The following ZNF827 variants were observed in gnomAD, a reference collection of about 807,000 sequenced individuals.
The protein encoded by ZNF827 is zinc finger protein 827.
A neutral mutation model predicts 102.4 loss-of-function variants in ZNF827; 13 were observed. That is an observed-to-expected ratio of 0.13 (90% CI 0.08 to 0.20). ZNF827 has a LOEUF of 0.20. ZNF827 is among the 10% of genes least tolerant of loss of function. ZNF827 has a pLI of 1.00. For synonymous variants in ZNF827, 523 were observed against 536.2 expected, an observed-to-expected ratio of 0.98 and a Z score of 0.34; for missense variants, 1,103 against 1,344.4, an observed-to-expected ratio of 0.82 and a Z score of 2.81.
intron 6 of ZNF827, among the ~76,000 whole-genome samples, chr4:145,847,438 G>A (rs1746102923): frequency 6.6e-6 from 1 of 152,140 alleles, no homozygotes; most frequent in Non-Finnish European, 1.5e-5. Context: ...GTATTGTGAG[G>A]CCCCTTTGTG....
intron 1 of ZNF827, 29 bp from the exon 2 acceptor site, chr4:145,903,244 C>T (rs1346126526): frequency 6.4e-7 from 1 of 1,568,482 alleles, no homozygotes; most frequent in Non-Finnish European, 8.7e-7. Flanking sequence ...ATCAGGTTTA[C>T]TCCCAAAGTG....
At chr4:145,873,288 G>C (rs1161866524) in intron 4 of ZNF827, among the ~76,000 whole-genome samples, 1 of 152,124 alleles carries the variant, frequency 6.6e-6, no homozygotes, top group Non-Finnish European at 1.5e-5. Flanking sequence ...ATAGTGCCTG[G>C]TACATAGTTA....
At chr4:145,916,158 C>T (rs933138833) in intron 1 of ZNF827, among the ~76,000 whole-genome samples, 4 of 152,240 alleles carry the variant, frequency 2.6e-5, no homozygotes, top group Middle Eastern at 3.2e-3. Context: ...CCTACTTCTA[C>T]AGCTCCACTA....
chr4:145,937,014 C>A (rs931907600), intron 1 of ZNF827, among the ~76,000 whole-genome samples: 22 of 151,634 alleles, frequency 1.5e-4, no homozygotes, highest in Non-Finnish European at 2.9e-5. Flanking sequence ...CACGCCTTCT[C>A]CCCTGCCCCC....
intron 1 of ZNF827, among the ~76,000 whole-genome samples, chr4:145,922,905 T>C (rs1442026479): frequency 6.6e-6 from 1 of 152,248 alleles, no homozygotes; most frequent in Non-Finnish European, 1.5e-5. Flanking sequence ...TTGGAAAACA[T>C]GTATCTTACA....
At chr4:145,815,424 T>C (rs1036246615) in intron 8 of ZNF827, among the ~76,000 whole-genome samples, 2 of 152,192 alleles carry the variant, frequency 1.3e-5, no homozygotes, top group African/African-American at 4.8e-5. Context: ...TGGACCATCA[T>C]TCCTATCACT....
chr4:145,822,180 T>G (rs1241279044), intron 8 of ZNF827, among the ~76,000 whole-genome samples: 1 of 152,218 alleles, frequency 6.6e-6, no homozygotes, highest in Non-Finnish European at 1.5e-5. Flanking sequence ...TGTGTTTTTG[T>G]GTAAGCACAT....
intron 1 of ZNF827, among the ~76,000 whole-genome samples, chr4:145,927,594 G>T (rs1010253460): frequency 4.6e-5 from 7 of 152,204 alleles, no homozygotes; most frequent in Non-Finnish European, 8.8e-5. Flanking sequence ...TTCTCCTGTA[G>T]TGGAGAGGCT....
chr4:145,844,219 T>A (rs1282886607), intron 7 of ZNF827, among the ~76,000 whole-genome samples: 5 of 151,980 alleles, frequency 3.3e-5, no homozygotes, highest in African/African-American at 7.2e-5. Context: ...GCATCAAACT[T>A]AATATACAAA....
At chr4:145,820,397 T>A (rs987720474) in intron 8 of ZNF827, among the ~76,000 whole-genome samples, 4 of 152,354 alleles carry the variant, frequency 2.6e-5, no homozygotes, top group Middle Eastern at 3.4e-3. Context: ...CTGACATTTA[T>A]TTTTGCATTA....
At chr4:145,862,311 G>A (rs1272182029) in intron 5 of ZNF827, among the ~76,000 whole-genome samples, 5 of 152,192 alleles carry the variant, frequency 3.3e-5, no homozygotes, top group Admixed American at 3.3e-4. Flanking sequence ...CAATACTGCT[G>A]TCTAGCCTCT....
At chr4:145,864,198 G>A (rs1337965216) in intron 5 of ZNF827, among the ~76,000 whole-genome samples, 2 of 151,236 alleles carry the variant, frequency 1.3e-5, no homozygotes, top group South Asian at 2.1e-4. Context: ...ACACACACAC[G>A]CATACATACA....
At chr4:145,935,277 A>G (rs906923475) in intron 1 of ZNF827, among the ~76,000 whole-genome samples, 2 of 152,196 alleles carry the variant, frequency 1.3e-5, no homozygotes, top group African/African-American at 2.4e-5. Flanking sequence ...TAAAAGTGGG[A>G]CTTAGAACTA....
intron 2 of ZNF827, among the ~76,000 whole-genome samples, chr4:145,894,109 T>A (rs1750804148): frequency 6.6e-6 from 1 of 152,204 alleles, no homozygotes; most frequent in Non-Finnish European, 1.5e-5. Context: ...ATTGTGGTTA[T>A]TTTTTTAAGT....
At chr4:145,817,677 G>A (rs1460346815) in intron 8 of ZNF827, among the ~76,000 whole-genome samples, 2 of 152,160 alleles carry the variant, frequency 1.3e-5, no homozygotes, top group African/African-American at 4.8e-5. Context: ...GATTTGGATG[G>A]GGACACAGAG....
At chr4:145,874,878 G>A (rs896508658) in intron 4 of ZNF827, among the ~76,000 whole-genome samples, 6 of 152,122 alleles carry the variant, frequency 3.9e-5, no homozygotes, top group Non-Finnish European at 7.4e-5. Context: ...CCTGGGCCAC[G>A]CTGCTGATCA....
At chr4:145,916,473 A>G (rs1159559343) in intron 1 of ZNF827, among the ~76,000 whole-genome samples, 1 of 152,088 alleles carries the variant, frequency 6.6e-6, no homozygotes, top group Non-Finnish European at 1.5e-5. Context: ...CTCTTTGGAC[A>G]TTTCCTTTCC....
In ZNF827 at chr4:145,823,320, T is replaced by C. The variant is rs536378361; in HGVS notation, c.2383+102A>G. The C allele has an allele frequency of 1.7e-5, 16 of 949,388 alleles. No individual in the cohort carries two copies. The African/African-American group carries it at 2.5e-4, about 15-fold the overall frequency. 58.8% of individuals were successfully genotyped at this position (949,388 alleles called of 1,614,324 possible). On this transcript the variant is annotated intron_variant, in intron 8 of 14. Coordinates refer to ENST00000508784, the MANE Select transcript of ZNF827 (RefSeq NM_001306215.2). ...TTTCTAAAACCTAACCTTATATGAATAACTACATCCGTAAGCTGAAAGTAT... is the reference window on the plus strand; with the variant it reads ...TTTCTAAAACCTAACCTTATATGAACAACTACATCCGTAAGCTGAAAGTAT...
At chr4:145,873,062 A>C (rs566669541) in intron 4 of ZNF827, among the ~76,000 whole-genome samples, 1 of 150,886 alleles carries the variant, frequency 6.6e-6, no homozygotes, top group African/African-American at 2.4e-5. Context: ...CAGCCTCCCA[A>C]GTAGCTAGGA....
Sources: gnomAD v4.1 joint callset for allele counts (sites outside exome capture counted in the v4.1 genomes callset) on GRCh38, gnomAD v4.1.1 for gene constraint, MANE v1.5 for transcripts, NCBI Gene and HGNC (gene_info 2026-07-23, HGNC 2026-07-21) for gene names.